The following SLC26A7 variants were observed in gnomAD, a reference collection of about 807,000 sequenced individuals.
The protein encoded by SLC26A7 is anion exchange transporter.
In SLC26A7, 59 loss-of-function variants were observed where a neutral mutation model predicts 82.5. The ratio of observed to expected loss-of-function variants is 0.72; its 90% CI spans 0.58 to 0.89. The LOEUF is 0.89. Ranked by LOEUF, SLC26A7 falls within the 40% of genes least tolerant of loss-of-function variation. SLC26A7 has a pLI of 0.00. For missense variants in SLC26A7, 820 were observed against 793.0 expected, an observed-to-expected ratio of 1.03 and a Z score of -0.41; for synonymous variants, 271 against 274.3, an observed-to-expected ratio of 0.99 and a Z score of 0.12.
At chr8:91,386,155 A>G (rs1047244070) in intron 15 of SLC26A7, among the ~76,000 whole-genome samples, 5 of 152,142 alleles carry the variant, frequency 3.3e-5, no homozygotes, top group Non-Finnish European at 7.4e-5. Flanking sequence ...TATAGATAAT[A>G]ATTTATGGAG....
chr8:91,354,715 C>A (rs1813813304), intron 11 of SLC26A7, among the ~76,000 whole-genome samples: 1 of 152,002 alleles, frequency 6.6e-6, no homozygotes, highest in Non-Finnish European at 1.5e-5. Context: ...AAGAAAGAAT[C>A]AGATGAAAAA....
intron 11 of SLC26A7, among the ~76,000 whole-genome samples, chr8:91,359,491 C>A (rs1813985001): frequency 6.6e-6 from 1 of 152,120 alleles, no homozygotes; most frequent in Non-Finnish European, 1.5e-5. Context: ...AATTTGTAGT[C>A]TCCTACTTAG....
At chr8:91,337,798 C>A (rs1350727931) in intron 6 of SLC26A7, among the ~76,000 whole-genome samples, 1 of 152,176 alleles carries the variant, frequency 6.6e-6, no homozygotes, top group African/African-American at 2.4e-5. Flanking sequence ...CCCTTTGTAT[C>A]ATGGGAGGCA....
At chr8:91,295,440 T>G (rs1811989170) in intron 3 of SLC26A7, 91 bp from the exon 4 acceptor site, 1 of 1,443,508 alleles carries the variant, frequency 6.9e-7, no homozygotes. Flanking sequence ...CTGTTTGGTT[T>G]CACAATGTAG....
chr8:91,322,619 T>C (rs1002833965), intron 5 of SLC26A7, among the ~76,000 whole-genome samples: 3 of 152,026 alleles, frequency 2.0e-5, no homozygotes, highest in African/African-American at 7.3e-5. Flanking sequence ...TAGTTCGTAT[T>C]AGCACATGTG....
At chr8:91,262,836 G>A (rs1032839207) in intron 2 of SLC26A7, among the ~76,000 whole-genome samples, 2 of 151,808 alleles carry the variant, frequency 1.3e-5, no homozygotes, top group Admixed American at 1.3e-4. Flanking sequence ...AAATCTTGAA[G>A]GTTGTTGAAT....
At position 91,387,320 on chromosome 8, in the gene SLC26A7, A is replaced by T. The variant is rs574608932; in HGVS notation, c.1676-2018A>T. Among the ~76,000 whole-genome samples the T allele has an allele frequency of 2.0e-5, 3 of 152,366 alleles. No homozygotes were observed. In the South Asian group the frequency reaches 6.2e-4, roughly 32 times the overall value. On this transcript the variant is annotated intron_variant, in intron 15 of 18. Coordinates refer to ENST00000276609, the MANE Select transcript of SLC26A7 (RefSeq NM_052832.4). The stretch of plus-strand genomic sequence containing the variant: ...TGTTTAATTAGGCAAATAATGAATG[A>T]TAGTGATTACAGTTGAGTGGTCAGT...
chr8:91,350,799 G>A lies in SLC26A7; in HGVS notation c.1141-1011G>A, dbSNP rs568211955. ...CTACAAATATATATTTAGGTTTCAC[G>A]TGGACATATGTTTCATTTCTCTTAG... On this transcript the variant is annotated intron_variant, in intron 9 of 18. Transcript: ENST00000276609. Among the ~76,000 whole-genome samples the A allele has an allele frequency of 2.1e-4, 32 of 152,108 alleles. No homozygotes were observed. In the South Asian group the frequency reaches 4.1e-3, roughly 20 times the overall value.
At position 91,318,300 on chromosome 8, in the gene SLC26A7, A is replaced by G. The variant is rs200036884; in HGVS notation, c.562A>G (p.Thr188Ala). ...CAGCGCAATGACAACTGGGGCTGCCACCCATGTGGTGACTTCACAAGTCAA... is the reference window on the plus strand; with the variant it reads ...CAGCGCAATGACAACTGGGGCTGCCGCCCATGTGGTGACTTCACAAGTCAA... ...VISAMTTGAA[T>A]HVVTSQVKYL... Residue 188 changes from threonine to alanine, a missense_variant, in exon 5 of 19, where the codon ACC (threonine) becomes GCC (alanine). Physicochemically the swap from Thr to Ala is moderately conservative, Grantham distance 58 (BLOSUM62 0). Coordinates refer to ENST00000276609, the MANE Select transcript of SLC26A7 (RefSeq NM_052832.4). 1.4e-5 allele frequency: 23 copies of G among 1,612,142 alleles called. No individual in the cohort carries two copies. In the African/African-American group the frequency reaches 2.4e-4, roughly 17 times the overall value.
intron 15 of SLC26A7, among the ~76,000 whole-genome samples, chr8:91,383,559 C>T (rs896202720): frequency 1.3e-5 from 2 of 152,134 alleles, no homozygotes; most frequent in Non-Finnish European, 2.9e-5. Context: ...ATAGAATAAT[C>T]AAAATATATG....
At chr8:91,279,789 G>A (rs867975004) in intron 2 of SLC26A7, among the ~76,000 whole-genome samples, 20 of 152,024 alleles carry the variant, frequency 1.3e-4, no homozygotes, top group African/African-American at 4.6e-4. Flanking sequence ...TCGATCTCCT[G>A]ACCTCGTGTG....
At chr8:91,305,740 A>G (rs1488268798) in intron 4 of SLC26A7, among the ~76,000 whole-genome samples, 1 of 151,210 alleles carries the variant, frequency 6.6e-6, no homozygotes, top group African/African-American at 2.4e-5. Flanking sequence ...ATTACACAAA[A>G]CTTAGATAGA....
At chr8:91,348,302 G>T (rs946930953) in intron 9 of SLC26A7, 3 of 984,910 alleles carry the variant, frequency 3.0e-6, no homozygotes, top group Non-Finnish European at 3.6e-6. Flanking sequence ...CCACAAGACT[G>T]CACATGCAGT....
chr8:91,249,404 A>C lies in SLC26A7; in HGVS notation c.-123A>C. On this transcript the variant is annotated 5_prime_UTR_variant, in exon 1 of 19. An upstream open reading frame in the 5' UTR loses its in-frame stop. Transcript: ENST00000276609. Reference sequence around the variant, plus strand: ...ACAGGAACTACTTCTCCTTCAGATAAGAATTCAAGGTTTTAATCTATAGTT... The same window carrying C: ...ACAGGAACTACTTCTCCTTCAGATACGAATTCAAGGTTTTAATCTATAGTT... 3.1e-6 allele frequency: 1 copy of C among 317,554 alleles called. No individual in the cohort carries two copies. Among genetic ancestry groups the C allele is most frequent in the African/African-American group, 2.1e-5 (1 of 46,956 alleles). 19.7% of individuals were successfully genotyped at this position (317,554 alleles called of 1,614,324 possible).
intron 2 of SLC26A7, among the ~76,000 whole-genome samples, chr8:91,254,716 A>T (rs995266285): frequency 2.6e-5 from 4 of 152,136 alleles, no homozygotes; most frequent in Non-Finnish European, 4.4e-5. Context: ...AGAAAGATAA[A>T]AGAAACTTCA....
intron 2 of SLC26A7, among the ~76,000 whole-genome samples, chr8:91,243,450 G>C (rs1331503264): frequency 6.6e-6 from 1 of 152,152 alleles, no homozygotes; most frequent in Non-Finnish European, 1.5e-5. Context: ...GCCAAAGAGT[G>C]GGGGTGGAGG....
At chr8:91,335,063 T>A (rs1813203089) in intron 6 of SLC26A7, among the ~76,000 whole-genome samples, 2 of 152,198 alleles carry the variant, frequency 1.3e-5, no homozygotes, top group African/African-American at 4.8e-5. Flanking sequence ...TAGGAACTCT[T>A]AACTATACAA....
chr8:91,243,694 T>C (rs1164935625), intron 2 of SLC26A7, among the ~76,000 whole-genome samples: 1 of 152,148 alleles, frequency 6.6e-6, no homozygotes, highest in Non-Finnish European at 1.5e-5. Context: ...TCACATAGTT[T>C]CCATGTTTTC....
At chr8:91,209,845 G>T (rs1041296718) in intron 1 of SLC26A7, among the ~76,000 whole-genome samples, 1 of 152,168 alleles carries the variant, frequency 6.6e-6, no homozygotes, top group Non-Finnish European at 1.5e-5. Context: ...ACAACTAGAA[G>T]ATGGGTAATG....
Sources: allele counts gnomAD v4.1 joint callset (sites outside exome capture counted in the v4.1 genomes callset), GRCh38; gene constraint gnomAD v4.1.1; transcripts MANE v1.5; gene names NCBI Gene and HGNC (gene_info 2026-07-23, HGNC 2026-07-21).